PACSIN1: variants seen among roughly 807,000 people sequenced by gnomAD.
PACSIN1 encodes protein kinase C and casein kinase substrate in neurons protein 1.
A neutral mutation model predicts 59.5 loss-of-function variants in PACSIN1; 15 were observed. That is an observed-to-expected ratio of 0.25 (90% CI 0.17 to 0.39). The LOEUF is 0.39. Ranked by LOEUF, PACSIN1 falls within the 10% of genes least tolerant of loss-of-function variation. PACSIN1 has a pLI of 1.00. For missense variants in PACSIN1, 420 were observed against 580.2 expected (o/e 0.72, Z 2.84); for synonymous variants, 210 against 220.6 (o/e 0.95, Z 0.42).
chr6:34,473,074 G>A (rs1766593694), intron 1 of PACSIN1, among the ~76,000 whole-genome samples: 1 of 152,124 alleles, frequency 6.6e-6, no homozygotes, highest in South Asian at 2.1e-4. Context: ...GTGCTTGTGA[G>A]CCTCTCTGCC....
intron 1 of PACSIN1, among the ~76,000 whole-genome samples, chr6:34,485,700 G>A (rs1766783510): frequency 6.6e-6 from 1 of 152,200 alleles, no homozygotes; most frequent in Admixed American, 6.5e-5. Flanking sequence ...TAGACGTTGA[G>A]TGGAGAAGAG....
At chr6:34,490,330 G>T (rs1766858194) in intron 1 of PACSIN1, among the ~76,000 whole-genome samples, 1 of 140,786 alleles carries the variant, frequency 7.1e-6, no homozygotes. Context: ...GCCTCCCAAA[G>T]TGCCAGGATT....
chr6:34,475,539 A>T (rs534852356), intron 1 of PACSIN1, among the ~76,000 whole-genome samples: 24 of 152,296 alleles, frequency 1.6e-4, no homozygotes, highest in African/African-American at 5.5e-4. Context: ...TCCTCCAGAC[A>T]AGGGGCCAGG....
rs1350615259 is a variant in PACSIN1, at chr6:34,483,001, C to T, written c.-64+16731C>T. Among the ~76,000 whole-genome samples the T allele has an allele frequency of 2.9e-4, 33 of 112,010 alleles. No homozygotes were observed. In the East Asian group the frequency reaches 6.2e-3, roughly 21 times the overall value. 73.5% of individuals were successfully genotyped at this position (112,010 alleles called of 152,430 possible). A position where few individuals can be genotyped will look rare whatever the true frequency, so the allele number is the denominator to read the frequency against. ...TGCGCCCAGCCAACTCCATGTTTAACTTTTTTTTTTTTTTTTTTTTGAAAC... is the reference window on the plus strand; with the variant it reads ...TGCGCCCAGCCAACTCCATGTTTAATTTTTTTTTTTTTTTTTTTTTGAAAC... On this transcript the variant is annotated intron_variant, in intron 1 of 9. Coordinates refer to ENST00000244458, the MANE Select transcript of PACSIN1 (RefSeq NM_020804.5).
At chr6:34,487,794 G>C (rs1766817469) in intron 1 of PACSIN1, among the ~76,000 whole-genome samples, 1 of 152,120 alleles carries the variant, frequency 6.6e-6, no homozygotes, top group South Asian at 2.1e-4. Flanking sequence ...GCCCAGAGAG[G>C]GACTCAGCCG....
chr6:34,524,205 G>A (rs1342398826), intron 1 of PACSIN1, among the ~76,000 whole-genome samples: 2 of 152,096 alleles, frequency 1.3e-5, no homozygotes, highest in Non-Finnish European at 2.9e-5. Flanking sequence ...TCAGCCATTG[G>A]GTATTTTGGC....
rs1767468195 is a variant in PACSIN1, at chr6:34,525,658, G to A, written c.-63-585G>A. Among the ~76,000 whole-genome samples the A allele has an allele frequency of 6.6e-6, 1 of 152,216 alleles. No individual in the cohort carries two copies. The highest frequency in any genetic ancestry group is 6.5e-5 in the Admixed American group (1 of 15,284). On this transcript the variant is annotated intron_variant, in intron 1 of 9. Transcript: ENST00000244458. This position sits in a 1 kb window ranked among gnomAD's most constrained non-coding sequence, Gnocchi z 4.9. Reference sequence around the variant, plus strand: ...GGGTAACAGTGAGGCCTGGCTGGGGGAAGGGAGGAGGGGAGTACCCACCTC... The same window carrying A: ...GGGTAACAGTGAGGCCTGGCTGGGGAAAGGGAGGAGGGGAGTACCCACCTC...
chr6:34,527,361 C>T lies in PACSIN1; in HGVS notation c.93C>T (p.Arg31=), dbSNP rs1437348842. The change falls in exon 3 of 10, where the codon CGC becomes CGT. Residue 31 remains arginine, a synonymous_variant. Coordinates refer to ENST00000244458, the MANE Select transcript of PACSIN1 (RefSeq NM_020804.5). ...GGAACTACAAGCGGACCGTGAAGCG[C>T]ATCGATGACGGCCACCGTCTATGCA... ...EVGNYKRTVK[R]IDDGHRLCND... 6.3e-7 allele frequency: 1 copy of T among 1,594,004 alleles called. No individual in the cohort carries two copies. The highest frequency in any genetic ancestry group is 1.7e-5 in the Admixed American group (1 of 57,408).
rs1341276070 is a variant in PACSIN1, at chr6:34,515,534, A to G, written c.-63-10709A>G. Among the ~76,000 whole-genome samples, 1 of 152,106 alleles carries G rather than the reference A, an allele frequency of 6.6e-6. No homozygotes were observed. Among genetic ancestry groups the G allele is most frequent in the Non-Finnish European group, 1.5e-5 (1 of 68,016 alleles). On this transcript the variant is annotated intron_variant, in intron 1 of 9. Coordinates refer to ENST00000244458, the MANE Select transcript of PACSIN1 (RefSeq NM_020804.5). The surrounding 1 kb of genome is among the most constrained non-coding windows in gnomAD (Gnocchi z 4.4). ...CTCCTCCCACCCCCGATGACACCAG[A>G]GCCTCCCTGCTGGCCCTGGATGGTC... is the stretch of plus-strand genomic sequence containing the variant.
At chr6:34,476,998 T>A (rs772953450) in intron 1 of PACSIN1, among the ~76,000 whole-genome samples, 1 of 152,160 alleles carries the variant, frequency 6.6e-6, no homozygotes, top group Non-Finnish European at 1.5e-5. Context: ...ATTTCCCTTC[T>A]CTCCCTAGGA....
At chr6:34,496,551 G>A (rs947904842) in intron 1 of PACSIN1, among the ~76,000 whole-genome samples, 2 of 152,396 alleles carry the variant, frequency 1.3e-5, no homozygotes, top group East Asian at 1.9e-4. Context: ...GAGAGGCAGA[G>A]CTTGCTGACT....
intron 2 of PACSIN1, 99 bp downstream of exon 2, chr6:34,526,467 C>T (rs1581985660): frequency 8.3e-6 from 8 of 966,498 alleles, no homozygotes; most frequent in Non-Finnish European, 1.3e-5. Flanking sequence ...GGCCCCACTC[C>T]GCAGTCCCCC....
At chr6:34,500,509 G>A (rs1767008084) in intron 1 of PACSIN1, among the ~76,000 whole-genome samples, 1 of 152,182 alleles carries the variant, frequency 6.6e-6, no homozygotes, top group Non-Finnish European at 1.5e-5. Flanking sequence ...CGTCAACTTG[G>A]ATGTGCTGTC....
chr6:34,514,666 C>T lies in PACSIN1; in HGVS notation c.-63-11577C>T, dbSNP rs575098539. On this transcript the variant is annotated intron_variant, in intron 1 of 9. Coordinates refer to ENST00000244458, the MANE Select transcript of PACSIN1 (RefSeq NM_020804.5). This position sits in a 1 kb window ranked among gnomAD's most constrained non-coding sequence, Gnocchi z 4.4. ...GTGTCCCCACCAGCGTCTCTGTGGC[C>T]GTGAAGTGTATGCATGCGTGCCCAT... is the stretch of plus-strand genomic sequence containing the variant. Among the ~76,000 whole-genome samples, 13 of 152,158 alleles carry T rather than the reference C, an allele frequency of 8.5e-5. No individual in the cohort carries two copies. The highest frequency in any genetic ancestry group is 4.1e-4 in the South Asian group (2 of 4,824).
At chr6:34,524,030 C>T (rs889040294) in intron 1 of PACSIN1, among the ~76,000 whole-genome samples, 2 of 152,188 alleles carry the variant, frequency 1.3e-5, no homozygotes, top group African/African-American at 4.8e-5. Flanking sequence ...GGTCACACAG[C>T]AGGTTGGTAG....
At chr6:34,497,420 T>C (rs1343859597) in intron 1 of PACSIN1, among the ~76,000 whole-genome samples, 1 of 152,164 alleles carries the variant, frequency 6.6e-6, no homozygotes, top group Non-Finnish European at 1.5e-5. Flanking sequence ...CATCCGCGGT[T>C]AAAGATGAGG....
In PACSIN1 at chr6:34,530,425, G is replaced by A. The variant is rs1767571597; in HGVS notation, c.910-35G>A. On this transcript the variant is annotated intron_variant, in intron 7 of 9. Coordinates refer to ENST00000244458, the MANE Select transcript of PACSIN1 (RefSeq NM_020804.5). The surrounding 1 kb of genome is among the most constrained non-coding windows in gnomAD (Gnocchi z 4.4). ...AGGCTGAAAGGTGCCTCAGGGCATA[G>A]TCCCCCAGCCTGACTGCTCCACTGG... 3.1e-6 allele frequency: 5 copies of A among 1,600,130 alleles called. No homozygotes were observed. Among genetic ancestry groups the A allele is most frequent in the Admixed American group, 1.7e-5 (1 of 59,440 alleles).
intron 1 of PACSIN1, among the ~76,000 whole-genome samples, chr6:34,471,669 G>A (rs771757471): frequency 5.9e-5 from 9 of 152,280 alleles, no homozygotes; most frequent in East Asian, 1.9e-4. Flanking sequence ...CACGTCAGTC[G>A]GGGAGCATAC....
In PACSIN1 at chr6:34,488,292, T is replaced by G. The variant is rs1307677685; in HGVS notation, c.-64+22022T>G. On this transcript the variant is annotated intron_variant, in intron 1 of 9. Transcript: ENST00000244458. The surrounding 1 kb of genome is among the most constrained non-coding windows in gnomAD (Gnocchi z 4.7). Reference sequence around the variant, plus strand: ...AATTACCTGGCTGCCAAGGCTATTATTCTTCCCTGCCCCTTGCCATACAAA... The same window carrying G: ...AATTACCTGGCTGCCAAGGCTATTAGTCTTCCCTGCCCCTTGCCATACAAA... Among the ~76,000 whole-genome samples the G allele has an allele frequency of 6.6e-6, 1 of 152,206 alleles. No individual in the cohort carries two copies. The highest frequency in any genetic ancestry group is 1.5e-5 in the Non-Finnish European group (1 of 68,046).
Sources: gnomAD v4.1 joint callset for allele counts (sites outside exome capture counted in the v4.1 genomes callset) on GRCh38, gnomAD v4.1.1 for gene constraint, Gnocchi (gnomAD v3.1) non-coding constraint, MANE v1.5 for transcripts, NCBI Gene and HGNC (gene_info 2026-07-23, HGNC 2026-07-21) for gene names.